The following CX3CL1 variants were observed in gnomAD, a reference collection of about 807,000 sequenced individuals.
CX3CL1 encodes C-X3-C motif chemokine ligand 1.
Under a neutral mutation model 14.1 loss-of-function variants are expected in CX3CL1, and 1 was observed. The ratio of observed to expected loss-of-function variants is 0.07; its 90% CI spans 0.03 to 0.34. CX3CL1 has a LOEUF of 0.34. Among genes scored for constraint, CX3CL1 ranks in the 10% least tolerant of loss-of-function variants. The probability of loss-of-function intolerance (pLI) is 0.99; values close to 1 mark genes in which losing one functional copy is unlikely to be tolerated. For missense variants in CX3CL1, 505 were observed against 536.4 expected (o/e 0.94, Z 0.58); for synonymous variants, 255 against 229.6 (o/e 1.11, Z -1.00).
intron 1 of CX3CL1, chr16:57,379,103 G>C (rs1230443956): frequency 1.3e-5 from 2 of 152,864 alleles, no homozygotes; most frequent in African/African-American, 4.8e-5. Flanking sequence ...AAGGAGGGCA[G>C]ATCACCTGAG....
rs1386221715 is a variant in CX3CL1 at position 57,384,530 on chromosome 16, T to A, written c.*1498T>A. 1 of 152,390 alleles carries A rather than the reference T, an allele frequency of 6.6e-6. No homozygotes were observed. Among genetic ancestry groups the A allele is most frequent in the Non-Finnish European group, 1.5e-5 (1 of 68,196 alleles). The allele number at this position is 152,390 out of a possible 1,614,324, so 9.4% of individuals were successfully genotyped here. ...TCTCCCTTGGATTGTCCCCGACCCTTGCCGTCTACCTGAGGGGCCTCTTAT... is the reference window on the plus strand; with the variant it reads ...TCTCCCTTGGATTGTCCCCGACCCTAGCCGTCTACCTGAGGGGCCTCTTAT... On this transcript the variant is annotated 3_prime_UTR_variant, in exon 3 of 3. Transcript: ENST00000006053.
At chr16:57,378,414 G>T (rs1366674527) in intron 1 of CX3CL1, 1 of 151,608 alleles carries the variant, frequency 6.6e-6, no homozygotes, top group African/African-American at 2.4e-5. Context: ...ATGGTAGCAG[G>T]CACCTGTAGT....
chr16:57,383,164 C>A lies in CX3CL1; in HGVS notation c.*132C>A. 1 of 814,224 alleles carries A rather than the reference C, an allele frequency of 1.2e-6. No individual in the cohort carries two copies. The highest frequency in any genetic ancestry group is 1.7e-6 in the Non-Finnish European group (1 of 582,082). The allele number at this position is 814,224 out of a possible 1,614,324, so 50.4% of individuals were successfully genotyped here. A position where few individuals can be genotyped will look rare whatever the true frequency, so the allele number is the denominator to read the frequency against. On this transcript the variant is annotated 3_prime_UTR_variant, in exon 3 of 3. Coordinates refer to ENST00000006053, the MANE Select transcript of CX3CL1 (RefSeq NM_002996.6). The stretch of plus-strand genomic sequence containing the variant: ...GGGGGGAGGTGGGATCCTCCAGGTG[C>A]ACAAGCTCCAAGCTCCCAGGCATTC...
chr16:57,384,335 G>A lies in CX3CL1; in HGVS notation c.*1303G>A, dbSNP rs1210364452. ...CCATGATGTTTTCCATGAGTCCCCT[G>A]TTTGTTTCTGAAAGGGACGCTACCC... On this transcript the variant is annotated 3_prime_UTR_variant, in exon 3 of 3. Transcript: ENST00000006053. 6.6e-6 allele frequency: 1 copy of A among 152,322 alleles called. No homozygotes were observed. The highest frequency in any genetic ancestry group is 1.5e-5 in the Non-Finnish European group (1 of 68,120). 9.4% of individuals were successfully genotyped at this position (152,322 alleles called of 1,614,324 possible).
chr16:57,382,804 G>C lies in CX3CL1; in HGVS notation c.966G>C (p.Gln322His). 6.3e-7 allele frequency: 1 copy of C among 1,599,622 alleles called. No individual in the cohort carries two copies. The highest frequency in any genetic ancestry group is 8.5e-7 in the Non-Finnish European group (1 of 1,171,614). Reference protein sequence around the residue: ...EEPIHATMDPQRLGVLITPVP... With the variant: ...EEPIHATMDPHRLGVLITPVP... The stretch of plus-strand genomic sequence containing the variant: ...CCATCCATGCCACCATGGACCCCCA[G>C]AGGCTGGGCGTCCTTATCACTCCTG... Residue 322 changes from glutamine (Q) to histidine (H), a missense_variant, in exon 3 of 3, where the codon CAG (glutamine) becomes CAC (histidine). Transcript: ENST00000006053. This position sits in a 1 kb window ranked among gnomAD's most constrained non-coding sequence, Gnocchi z 6.9.
chr16:57,382,599 C>T lies in CX3CL1; in HGVS notation c.761C>T (p.Pro254Leu), dbSNP rs1902345319. The T allele has an allele frequency of 6.2e-7, 1 of 1,613,986 alleles. No individual in the cohort carries two copies. Among genetic ancestry groups the T allele is most frequent in the Non-Finnish European group, 8.5e-7 (1 of 1,179,916 alleles). ...CGTGTGTGGGGTCAGGGACAGAGCC[C>T]CAGGCCAGAGAACTCTCTGGAGCGG... The part of the protein sequence containing the change: ...GQRVWGQGQS[P>L]RPENSLEREE... Residue 254 changes from proline (P) to leucine (L), a missense_variant, in exon 3 of 3, where the codon CCC (proline) becomes CTC (leucine). Transcript: ENST00000006053. The surrounding 1 kb of genome is among the most constrained non-coding windows in gnomAD (Gnocchi z 6.9).
chr16:57,377,706 T>G (rs1902263843), intron 1 of CX3CL1: 1 of 152,148 alleles, frequency 6.6e-6, no homozygotes, highest in Non-Finnish European at 1.5e-5. Context: ...CCCTGGGGGT[T>G]TCCCAGGCTC....
In CX3CL1 at chr16:57,382,346, C is replaced by T; in HGVS notation, c.508C>T (p.Pro170Ser). ...GVTGSSGTRL[P>S]PTPKAQDGGP... Reference sequence around the variant, plus strand: ...GACTGGTTCCTCAGGGACCAGGCTCCCCCCGACGCCAAAGGCTCAGGATGG... The same window carrying T: ...GACTGGTTCCTCAGGGACCAGGCTCTCCCCGACGCCAAAGGCTCAGGATGG... The change falls in exon 3 of 3, where the codon CCC becomes TCC. Residue 170 changes from proline to serine, a missense_variant. Physicochemically the swap from Pro to Ser is moderately conservative, Grantham distance 74. Transcript: ENST00000006053. This position sits in a 1 kb window ranked among gnomAD's most constrained non-coding sequence, Gnocchi z 6.9. 6.2e-7 allele frequency: 1 copy of T among 1,608,406 alleles called. No individual in the cohort carries two copies. The highest frequency in any genetic ancestry group is 8.5e-7 in the Non-Finnish European group (1 of 1,178,784).
rs1209052002 is a variant in CX3CL1 at position 57,384,976 on chromosome 16, T to C, written c.*1944T>C. On this transcript the variant is annotated 3_prime_UTR_variant, in exon 3 of 3. Transcript: ENST00000006053. ...AGAGTAGGAAGACTTTGGAAAGACTTTTCCAACCCTCATCACCAACGTCTG... is the reference window on the plus strand; with the variant it reads ...AGAGTAGGAAGACTTTGGAAAGACTCTTCCAACCCTCATCACCAACGTCTG... 3 of 152,344 alleles carry C rather than the reference T, an allele frequency of 2.0e-5. No individual in the cohort carries two copies. In the East Asian group the frequency reaches 5.8e-4, roughly 29 times the overall value. 9.4% of individuals were successfully genotyped at this position (152,344 alleles called of 1,614,324 possible). A position where few individuals can be genotyped will look rare whatever the true frequency, so the allele number is the denominator to read the frequency against.
At position 57,382,772 on chromosome 16, in the gene CX3CL1, G is replaced by A; in HGVS notation, c.934G>A (p.Glu312Lys). The change falls in exon 3 of 3, where the codon GAG becomes AAG. Residue 312 changes from glutamate to lysine, a missense_variant. Physicochemically the swap from Glu to Lys is moderately conservative, Grantham distance 56. Coordinates refer to ENST00000006053, the MANE Select transcript of CX3CL1 (RefSeq NM_002996.6). The surrounding 1 kb of genome is among the most constrained non-coding windows in gnomAD (Gnocchi z 6.9). ...TTCAGGCAGCTGGACCCCTAAGGCT[G>A]AGGAACCCATCCATGCCACCATGGA... Reference protein sequence around the residue: ...VASGSWTPKAEEPIHATMDPQ... With the variant: ...VASGSWTPKAKEPIHATMDPQ... 1.9e-6 allele frequency: 3 copies of A among 1,610,510 alleles called. No individual in the cohort carries two copies. The highest frequency in any genetic ancestry group is 2.5e-6 in the Non-Finnish European group (3 of 1,179,142).
rs757199563 is a variant in CX3CL1 at position 57,382,067 on chromosome 16, C to T, written c.229C>T (p.Pro77Ser). The change falls in exon 3 of 3, where the codon CCG becomes TCG. Residue 77 changes from proline to serine, a missense_variant. By Grantham distance (74) the Pro-to-Ser change is moderately conservative. Transcript: ENST00000006053. The surrounding 1 kb of genome is among the most constrained non-coding windows in gnomAD (Gnocchi z 6.9). ...ACAGCACAGGCTGTTCTGTGCCGAC[C>T]CGAAGGAGCAATGGGTCAAGGACGC... is the stretch of plus-strand genomic sequence containing the variant. ...TRQHRLFCAD[P>S]KEQWVKDAMQ... The T allele has an allele frequency of 2.5e-6, 4 of 1,606,170 alleles. No homozygotes were observed. In the South Asian group the frequency reaches 3.3e-5, roughly 13 times the overall value.
At chr16:57,381,404 G>C (rs767041245) in intron 2 of CX3CL1, among the ~76,000 whole-genome samples, 3 of 152,070 alleles carry the variant, frequency 2.0e-5, no homozygotes, top group Non-Finnish European at 4.4e-5. Flanking sequence ...CCTTCTGCCC[G>C]TGAACACACA....
chr16:57,376,492 G>GGATGGA (rs1567553055), intron 1 of CX3CL1, among the ~76,000 whole-genome samples: 1 of 114,948 alleles, frequency 8.7e-6, no homozygotes, highest in Non-Finnish European at 1.9e-5. Flanking sequence ...GGATGGATGG[G>GGATGGA]TGGATAGATG....
chr16:57,379,795 C>T, intron 2 of CX3CL1, 41 bp downstream of exon 2: 1 of 1,610,618 alleles, frequency 6.2e-7, no homozygotes, highest in East Asian at 2.2e-5. Flanking sequence ...CCCTTTGGGC[C>T]CTTGGAATAT....
chr16:57,383,203 C>A lies in CX3CL1; in HGVS notation c.*171C>A. The A allele has an allele frequency of 3.7e-6, 2 of 537,368 alleles. No homozygotes were observed. The highest frequency in any genetic ancestry group is 5.8e-6 in the Non-Finnish European group (2 of 346,628). 33.3% of individuals were successfully genotyped at this position (537,368 alleles called of 1,614,324 possible). ...TCCCAGGCATTCCCCAGGAGGCCAG[C>A]CTTGACCATTCTCCACCTGCCAGGG... On this transcript the variant is annotated 3_prime_UTR_variant, in exon 3 of 3. Transcript: ENST00000006053.
Position 57,383,060 on chromosome 16 carries a change from G to T in CX3CL1, c.*28G>T. ...TCCTCTGGCCTGTGTCTAGTTGTTT[G>T]ATTCAGACAGCTGCCTGGGATCCCT... is the stretch of plus-strand genomic sequence containing the variant. On this transcript the variant is annotated 3_prime_UTR_variant, in exon 3 of 3. Transcript: ENST00000006053. The T allele has an allele frequency of 7.3e-7, 1 of 1,377,306 alleles. No individual in the cohort carries two copies. The highest frequency in any genetic ancestry group is 9.5e-7 in the Non-Finnish European group (1 of 1,056,928). 85.3% of individuals were successfully genotyped at this position (1,377,306 alleles called of 1,614,324 possible). A position where few individuals can be genotyped will look rare whatever the true frequency, so the allele number is the denominator to read the frequency against.
rs1431849324 is a variant in CX3CL1, at chr16:57,382,505, G to T, written c.667G>T (p.Asp223Tyr). Reference sequence around the variant, plus strand: ...GACCTCTGAGGCCCCGTCCACCCAGGACCCCTCCACCCAGGCCTCCACTGC... The same window carrying T: ...GACCTCTGAGGCCCCGTCCACCCAGTACCCCTCCACCCAGGCCTCCACTGC... ...AKTSEAPSTQ[D>Y]PSTQASTASS... The change falls in exon 3 of 3, where the codon GAC becomes TAC. Residue 223 changes from aspartate (D) to tyrosine (Y), a missense_variant. Transcript: ENST00000006053. This position sits in a 1 kb window ranked among gnomAD's most constrained non-coding sequence, Gnocchi z 6.9. The T allele has an allele frequency of 6.2e-7, 1 of 1,613,142 alleles. No homozygotes were observed. The highest frequency in any genetic ancestry group is 2.2e-5 in the East Asian group (1 of 44,880).
Position 57,379,169 on chromosome 16 carries a change from A to G in CX3CL1, c.71-465A>G, listed in dbSNP as rs527502361. 38 of 159,864 alleles carry G rather than the reference A, an allele frequency of 2.4e-4. No homozygotes were observed. The East Asian group carries it at 6.6e-3, about 28-fold the overall frequency. 9.9% of individuals were successfully genotyped at this position (159,864 alleles called of 1,614,324 possible). On this transcript the variant is annotated intron_variant, in intron 1 of 2. Coordinates refer to ENST00000006053, the MANE Select transcript of CX3CL1 (RefSeq NM_002996.6). ...TGGAGAAACCCCGTCTCTACTAAAA[A>G]TACAAAATTAGCCAGGAGTCGTGGC...
chr16:57,374,167 A>G (rs1427366512), intron 1 of CX3CL1, among the ~76,000 whole-genome samples: 4 of 152,076 alleles, frequency 2.6e-5, no homozygotes, highest in African/African-American at 9.7e-5. Flanking sequence ...GTCCTCTCCC[A>G]CGCTGACATG....
Sources: allele counts gnomAD v4.1 joint callset (sites outside exome capture counted in the v4.1 genomes callset), GRCh38; gene constraint gnomAD v4.1.1; non-coding constraint Gnocchi (gnomAD v3.1); transcripts MANE v1.5; gene names NCBI Gene and HGNC (gene_info 2026-07-23, HGNC 2026-07-21).